Variants in STK31 observed in about 807,000 individuals in gnomAD.
STK31 encodes the protein serine/threonine kinase 31, also known as serine/threonine-protein kinase 31.
STK31 carries 89 observed loss-of-function variants against 129.7 expected under a neutral mutation model. The ratio of observed to expected loss-of-function variants is 0.69; its 90% confidence interval spans 0.58 to 0.82. The LOEUF (loss-of-function observed/expected upper bound fraction) is 0.82. STK31 is among the 40% of genes least tolerant of loss of function. STK31 has a pLI of 0.00. For missense variants in STK31, 1,187 were observed against 1,176.4 expected (o/e 1.01, Z -0.13); for synonymous variants, 448 against 395.3 (o/e 1.13, Z -1.58).
intron 8 of STK31, among the ~76,000 whole-genome samples, chr7:23,737,664 C>T (rs1380625036): frequency 6.6e-6 from 1 of 152,158 alleles, no homozygotes; most frequent in Non-Finnish European, 1.5e-5. Flanking sequence ...TAGTTTTCTC[C>T]AATCAGGATC....
chr7:23,756,795 T>C (rs765596251), intron 10 of STK31, among the ~76,000 whole-genome samples: 9 of 152,252 alleles, frequency 5.9e-5, no homozygotes, highest in Non-Finnish European at 1.2e-4. Context: ...ATTACGTTTA[T>C]TGATTTGCGT....
intron 8 of STK31, among the ~76,000 whole-genome samples, chr7:23,745,753 T>G (rs1197104313): frequency 1.3e-5 from 2 of 151,990 alleles, no homozygotes; most frequent in African/African-American, 4.8e-5. Flanking sequence ...CAGTTTGGCC[T>G]CAGGTGTGGC....
At chr7:23,788,431 G>A (rs1181968480) in intron 21 of STK31, among the ~76,000 whole-genome samples, 2 of 152,190 alleles carry the variant, frequency 1.3e-5, no homozygotes, top group Admixed American at 6.5e-5. Context: ...AGGAAACTAG[G>A]TGGCCATCTC....
intron 8 of STK31, among the ~76,000 whole-genome samples, chr7:23,748,950 T>C (rs1277542873): frequency 1.3e-5 from 2 of 152,246 alleles, no homozygotes; most frequent in African/African-American, 2.4e-5. Flanking sequence ...ATGTTAATTA[T>C]CAACTGTACA....
intron 11 of STK31, among the ~76,000 whole-genome samples, chr7:23,763,965 A>G (rs1323017359): frequency 6.6e-6 from 1 of 152,096 alleles, no homozygotes; most frequent in African/African-American, 2.4e-5. Context: ...CTTGTTGTGG[A>G]CTGCAGGGAG....
chr7:23,779,794 G>A (rs1254859664), intron 15 of STK31, among the ~76,000 whole-genome samples: 2 of 152,250 alleles, frequency 1.3e-5, no homozygotes, highest in African/African-American at 4.8e-5. Flanking sequence ...GGGATCTGCT[G>A]AGCAGGACCA....
In STK31 at chr7:23,737,028, A is replaced by G. The variant is rs1787758624; in HGVS notation, c.967A>G (p.Ser323Gly). The change falls in exon 8 of 24, where the codon AGT (serine) becomes GGT (glycine). Residue 323 changes from serine (S) to glycine (G), a missense_variant. By Grantham distance (56) the Ser-to-Gly change is moderately conservative. This residue lies in a region of STK31 where 975 missense variants were observed against 934.9 expected (regional missense o/e 1.04). Transcript: ENST00000355870. Reference sequence around the variant, plus strand: ...AACAGAGAAGGACGCTCTTCTTGAAAGTTATAAGGCGTTAGAATTGAAAGT... The same window carrying G: ...AACAGAGAAGGACGCTCTTCTTGAAGGTTATAAGGCGTTAGAATTGAAAGT... ...LKTEKDALLE[S>G]YKALELKVEQ... 13 of 1,612,496 alleles carry G rather than the reference A, an allele frequency of 8.1e-6. No homozygotes were observed. Among genetic ancestry groups the G allele is most frequent in the South Asian group, 1.1e-5 (1 of 90,962 alleles).
chr7:23,737,314 A>G (rs1251002438), intron 8 of STK31, among the ~76,000 whole-genome samples: 1 of 152,178 alleles, frequency 6.6e-6, no homozygotes, highest in Non-Finnish European at 1.5e-5. Flanking sequence ...TTTATGTTCT[A>G]AAAACTTTTC....
At position 23,769,756 on chromosome 7, in the gene STK31, T is replaced by C. The variant is rs1319857053; in HGVS notation, c.1713T>C (p.Val571=). The C allele has an allele frequency of 1.3e-6, 2 of 1,580,798 alleles. No homozygotes were observed. Among genetic ancestry groups the C allele is most frequent in the Non-Finnish European group, 8.7e-7 (1 of 1,154,058 alleles). The change falls in exon 13 of 24, where the codon GTT becomes GTC. Residue 571 remains valine (V), a splice_region_variant and synonymous_variant. Transcript: ENST00000355870. ...SVCKELEIAL[V]DQGDADKEII... Reference sequence around the variant, plus strand: ...GCAAAGAGCTGGAGATAGCTCTGGTTGTGAGTATCGATATTCTTTATTATT... The same window carrying C: ...GCAAAGAGCTGGAGATAGCTCTGGTCGTGAGTATCGATATTCTTTATTATT...
intron 15 of STK31, among the ~76,000 whole-genome samples, chr7:23,776,136 A>T (rs1192982633): frequency 6.6e-6 from 1 of 152,226 alleles, no homozygotes; most frequent in Non-Finnish European, 1.5e-5. Context: ...CTGTTTACTT[A>T]TTTGCATATT....
At chr7:23,783,470 T>C in intron 16 of STK31, 113 bp from the exon 17 acceptor site, 1 of 652,750 alleles carries the variant, frequency 1.5e-6, no homozygotes. Flanking sequence ...AGTGATTATG[T>C]ATCTTACTGG....
chr7:23,821,663 C>T (rs529106023), intron 23 of STK31, among the ~76,000 whole-genome samples: 45 of 151,978 alleles, frequency 3.0e-4, no homozygotes, highest in Non-Finnish European at 6.0e-4. Context: ...AAGTATAGTC[C>T]CATTTGTCTC....
chr7:23,721,060 A>G (rs1786660508), intron 4 of STK31, among the ~76,000 whole-genome samples: 1 of 152,258 alleles, frequency 6.6e-6, no homozygotes, highest in Non-Finnish European at 1.5e-5. Context: ...ACAAGTCTTG[A>G]TTACTGTTTC....
intron 23 of STK31, among the ~76,000 whole-genome samples, chr7:23,824,521 A>G (rs1037466081): frequency 2.6e-5 from 4 of 152,150 alleles, no homozygotes; most frequent in Non-Finnish European, 5.9e-5. Flanking sequence ...GGTTTTCTAG[A>G]TATACAATCA....
At chr7:23,719,675 C>T (rs1203623205) in intron 4 of STK31, among the ~76,000 whole-genome samples, 1 of 152,108 alleles carries the variant, frequency 6.6e-6, no homozygotes, top group Admixed American at 6.6e-5. Context: ...CCACCCCACC[C>T]ACTGGTATAA....
intron 1 of STK31, chr7:23,710,539 C>CG: frequency 1.4e-6 from 2 of 1,427,914 alleles, no homozygotes; most frequent in Non-Finnish European, 1.8e-6. Context: ...TCGAAAAGAC[C>CG]TCCGGCCTGA....
At chr7:23,788,941 A>G (rs1584450686) in intron 21 of STK31, among the ~76,000 whole-genome samples, 2 of 152,204 alleles carry the variant, frequency 1.3e-5, no homozygotes, top group South Asian at 4.1e-4. Context: ...GAAAATCCAT[A>G]CTGATTAGCA....
intron 23 of STK31, among the ~76,000 whole-genome samples, chr7:23,819,420 CT>C (rs3034044): frequency 0.52 from 75,884 of 144,586 alleles, 19,488 homozygotes; most frequent in East Asian, 0.61. Flanking sequence ...GATTTCTTTC[CT>C]TTTTTTTTTT....
chr7:23,823,798 TTTCAGC>T (rs1793936383), intron 23 of STK31, among the ~76,000 whole-genome samples: 1 of 152,204 alleles, frequency 6.6e-6, no homozygotes. Context: ...AGGGATCCAG[TTTCAGC>T]TTTCTATATA....
Sources: gnomAD v4.1 joint callset for allele counts (sites outside exome capture counted in the v4.1 genomes callset) on GRCh38, gnomAD v4.1.1 for gene constraint, gnomAD v4.1.1 regional missense constraint, MANE v1.5 for transcripts, NCBI Gene and HGNC (gene_info 2026-07-23, HGNC 2026-07-21) for gene names.